The following PTPRJ variants were observed in gnomAD, a reference collection of about 807,000 sequenced individuals.
PTPRJ encodes the protein receptor-type tyrosine-protein phosphatase eta.
PTPRJ carries 129 observed loss-of-function variants against 141.3 expected under a neutral mutation model. The observed-to-expected ratio is 0.91, with a 90% confidence interval of 0.79 to 1.06. PTPRJ has a LOEUF of 1.06. Among genes scored for constraint, PTPRJ ranks in the 50% least tolerant of loss-of-function variants. The pLI is 0.00. For missense variants in PTPRJ, 1,601 were observed against 1,679.7 expected (o/e 0.95, Z 0.82); for synonymous variants, 610 against 640.5 (o/e 0.95, Z 0.72).
intron 13 of PTPRJ, 27 bp from the exon 14 acceptor site, chr11:48,144,973 C>G: frequency 6.2e-7 from 1 of 1,614,158 alleles, no homozygotes; most frequent in South Asian, 1.1e-5. Flanking sequence ...TCTCAGGGAC[C>G]TCTTTTTGCT....
intron 1 of PTPRJ, among the ~76,000 whole-genome samples, chr11:48,003,761 G>T (rs1388723211): frequency 1.3e-5 from 2 of 152,172 alleles, no homozygotes; most frequent in Admixed American, 1.3e-4. Flanking sequence ...TCCTCAAAGT[G>T]TTGGGATTAC....
chr11:48,001,766 G>C (rs946444813), intron 1 of PTPRJ, among the ~76,000 whole-genome samples: 5 of 152,320 alleles, frequency 3.3e-5, no homozygotes, highest in Admixed American at 2.0e-4. Flanking sequence ...TCAGTTGAGA[G>C]TCAGAGTTCA....
In PTPRJ at chr11:48,159,967, A is replaced by C. The variant is rs371298156; in HGVS notation, c.3476A>C (p.Gln1159Pro). The C allele has an allele frequency of 9.3e-6, 15 of 1,613,854 alleles. No homozygotes were observed. Among genetic ancestry groups the C allele is most frequent in the Non-Finnish European group, 1.2e-5 (14 of 1,179,860 alleles). ...GAGTATTGGCCCTCCAAGCAGGCTC[A>C]GGACTATGGAGACATAACTGTGGCA... is the stretch of plus-strand genomic sequence containing the variant. ...CEEYWPSKQA[Q>P]DYGDITVAMT... is the part of the protein sequence containing the mutation. Residue 1159 changes from glutamine (Q) to proline (P), a missense_variant, in exon 22 of 25, where the codon CAG becomes CCG. Physicochemically the swap from Gln to Pro is moderately conservative, Grantham distance 76 (BLOSUM62 -1). Coordinates refer to ENST00000418331, the MANE Select transcript of PTPRJ (RefSeq NM_002843.4).
chr11:48,007,861 C>T (rs1015153688), intron 1 of PTPRJ, among the ~76,000 whole-genome samples: 1 of 152,170 alleles, frequency 6.6e-6, no homozygotes, highest in Non-Finnish European at 1.5e-5. Flanking sequence ...TAATGCAAAC[C>T]GTTTACTTTA....
intron 1 of PTPRJ, among the ~76,000 whole-genome samples, chr11:48,075,820 G>A (rs1174731204): frequency 6.6e-6 from 1 of 152,070 alleles, no homozygotes; most frequent in Non-Finnish European, 1.5e-5. Context: ...TTGCCTTTCC[G>A]CACCTTCTAC....
In PTPRJ at chr11:48,125,095, G is replaced by T; in HGVS notation, c.1002G>T (p.Gly334=). The change falls in exon 6 of 25, where the codon GGG becomes GGT. Residue 334 remains glycine, a synonymous_variant. Transcript: ENST00000418331. ...QSRDTEVLLV[G]LEPGTRYNAT... Reference sequence around the variant, plus strand: ...GAGACACGGAAGTCCTGCTTGTCGGGTTAGAGCCTGGCACCCGATACAATG... The same window carrying T: ...GAGACACGGAAGTCCTGCTTGTCGGTTTAGAGCCTGGCACCCGATACAATG... 2 of 1,614,038 alleles carry T rather than the reference G, an allele frequency of 1.2e-6. No individual in the cohort carries two copies. Among genetic ancestry groups the T allele is most frequent in the Non-Finnish European group, 1.7e-6 (2 of 1,180,006 alleles).
At chr11:48,142,305 C>G (rs1857249976) in intron 11 of PTPRJ, among the ~76,000 whole-genome samples, 1 of 152,146 alleles carries the variant, frequency 6.6e-6, no homozygotes, top group Admixed American at 6.5e-5. Flanking sequence ...TATTCTTTCT[C>G]AACGCTACTT....
Position 48,139,774 on chromosome 11 carries a change from C to G in PTPRJ, c.2441C>G (p.Thr814Arg). The G allele has an allele frequency of 1.9e-6, 3 of 1,613,684 alleles. No homozygotes were observed. Among genetic ancestry groups the G allele is most frequent in the Non-Finnish European group, 2.5e-6 (3 of 1,179,930 alleles). The change falls in exon 11 of 25, where the codon ACA (threonine) becomes AGA (arginine). Residue 814 changes from threonine (T) to arginine (R), a missense_variant and splice_region_variant. Coordinates refer to ENST00000418331, the MANE Select transcript of PTPRJ (RefSeq NM_002843.4). ...CGGAACACCTGCACTACTGGCATCA[C>G]AGGTGGGCTACAAGGCAGGGGCTGG... ...PTRNTCTTGI[T>R]DPPPPDGSPN... is the part of the protein sequence containing the mutation.
intron 24 of PTPRJ, 51 bp downstream of exon 24, chr11:48,164,566 T>C (rs752715953): frequency 4.1e-6 from 6 of 1,479,184 alleles, no homozygotes; most frequent in East Asian, 2.4e-5. Context: ...CCATTTTTTT[T>C]TTTTTTTTTT....
chr11:48,153,644 A>C, intron 18 of PTPRJ, 152 bp from the exon 19 acceptor site: 1 of 596,108 alleles, frequency 1.7e-6, no homozygotes, highest in Middle Eastern at 4.6e-4. Flanking sequence ...TACAAGTTTC[A>C]GGCTTTAATA....
intron 1 of PTPRJ, among the ~76,000 whole-genome samples, chr11:48,018,478 G>A (rs1359455531): frequency 1.3e-5 from 2 of 152,094 alleles, no homozygotes; most frequent in Non-Finnish European, 2.9e-5. Context: ...AGGAGACCGA[G>A]GTTTGAGGGG....
intron 1 of PTPRJ, among the ~76,000 whole-genome samples, chr11:47,984,638 A>G (rs147527696): frequency 6.6e-6 from 1 of 151,954 alleles, no homozygotes; most frequent in South Asian, 2.1e-4. Flanking sequence ...GGCTCACCGC[A>G]ACCTCCACCT....
At chr11:48,121,619 T>C (rs963835034) in intron 4 of PTPRJ, among the ~76,000 whole-genome samples, 4 of 152,222 alleles carry the variant, frequency 2.6e-5, no homozygotes, top group Non-Finnish European at 1.5e-5. Flanking sequence ...TGATGCTGTG[T>C]TTATATTCCC....
chr11:48,111,228 C>T (rs867694009), intron 2 of PTPRJ, among the ~76,000 whole-genome samples: 12 of 141,164 alleles, frequency 8.5e-5, no homozygotes, highest in African/African-American at 2.5e-4. Flanking sequence ...TGCAGTGAGC[C>T]GAGATCACTC....
At chr11:48,053,315 A>T (rs1191924268) in intron 1 of PTPRJ, among the ~76,000 whole-genome samples, 1 of 92,120 alleles carries the variant, frequency 1.1e-5, no homozygotes, top group East Asian at 2.5e-4. Flanking sequence ...TAAATATATA[A>T]TATATATTAT....
At chr11:48,091,764 C>A (rs1382525316) in intron 1 of PTPRJ, among the ~76,000 whole-genome samples, 1 of 152,170 alleles carries the variant, frequency 6.6e-6, no homozygotes, top group Non-Finnish European at 1.5e-5. Context: ...GAAATACCTC[C>A]CAAGAGGCCT....
chr11:48,041,008 T>A (rs994395511), intron 1 of PTPRJ, among the ~76,000 whole-genome samples: 1 of 152,112 alleles, frequency 6.6e-6, no homozygotes, highest in Non-Finnish European at 1.5e-5. Context: ...GCACCCTCCG[T>A]CTGTGTCACC....
chr11:48,163,287 T>C (rs1011434303), intron 22 of PTPRJ, among the ~76,000 whole-genome samples, 171 bp from the exon 23 acceptor site: 2 of 152,218 alleles, frequency 1.3e-5, no homozygotes, highest in Non-Finnish European at 2.9e-5. Context: ...TTGAGCATAT[T>C]GTGAGGGTTT....
intron 4 of PTPRJ, among the ~76,000 whole-genome samples, chr11:48,122,084 G>T (rs988730396): frequency 6.6e-6 from 1 of 152,090 alleles, no homozygotes; most frequent in South Asian, 2.1e-4. Flanking sequence ...TTGCCCAGGA[G>T]CCCAAAAAGT....
Sources: gnomAD v4.1 joint callset for allele counts (sites outside exome capture counted in the v4.1 genomes callset) on GRCh38, gnomAD v4.1.1 for gene constraint, MANE v1.5 for transcripts, NCBI Gene and HGNC (gene_info 2026-07-23, HGNC 2026-07-21) for gene names.